The following THSD7B variants were observed in gnomAD, a reference collection of about 807,000 sequenced individuals.
The protein encoded by THSD7B is thrombospondin type-1 domain-containing protein 7B.
Under a neutral mutation model 213.6 loss-of-function variants are expected in THSD7B, and 138 were observed. The observed-to-expected ratio is 0.65, with a 90% CI of 0.56 to 0.74. THSD7B has a LOEUF of 0.74. Ranked by LOEUF, THSD7B falls within the 30% of genes least tolerant of loss-of-function variation. The pLI is 0.00. For synonymous variants in THSD7B, 742 were observed against 687.0 expected (o/e 1.08, Z -1.25); for missense variants, 1,931 against 1,991.5 (o/e 0.97, Z 0.58).
At chr2:137,421,882 A>G (rs1019647999) in intron 14 of THSD7B, among the ~76,000 whole-genome samples, 8 of 152,232 alleles carry the variant, frequency 5.3e-5, no homozygotes, top group East Asian at 1.9e-4. Context: ...ATGAACACCA[A>G]TATAAATCGT....
intron 12 of THSD7B, among the ~76,000 whole-genome samples, chr2:137,391,961 CA>C (rs1686038008): frequency 6.6e-6 from 1 of 152,116 alleles, no homozygotes; most frequent in African/African-American, 2.4e-5. Flanking sequence ...TTATTTGTTT[CA>C]AAAATGGTTT....
intron 2 of THSD7B, among the ~76,000 whole-genome samples, chr2:136,970,926 G>A (rs1685394324): frequency 6.6e-6 from 1 of 152,230 alleles, no homozygotes; most frequent in East Asian, 1.9e-4. Flanking sequence ...CTAGCCTATG[G>A]TTAATTAATC....
chr2:137,255,425 CAGG>C (rs1682284273), intron 10 of THSD7B, among the ~76,000 whole-genome samples: 1 of 152,204 alleles, frequency 6.6e-6, no homozygotes, highest in Admixed American at 6.5e-5. Context: ...TACATCTCCA[CAGG>C]AGATGTAGGT....
intron 2 of THSD7B, among the ~76,000 whole-genome samples, chr2:137,053,277 T>C (rs1181858110): frequency 6.6e-6 from 1 of 152,214 alleles, no homozygotes; most frequent in Non-Finnish European, 1.5e-5. Flanking sequence ...GAGTTAATTT[T>C]GGATTAACTC....
At chr2:136,802,713 G>T (rs1247668303) in intron 1 of THSD7B, among the ~76,000 whole-genome samples, 1 of 129,662 alleles carries the variant, frequency 7.7e-6, no homozygotes, top group Non-Finnish European at 1.6e-5. Flanking sequence ...TTGCATCCAT[G>T]AGTGGGCAAA....
intron 1 of THSD7B, among the ~76,000 whole-genome samples, chr2:136,788,005 A>C (rs1681898872): frequency 6.6e-6 from 1 of 152,204 alleles, no homozygotes; most frequent in Non-Finnish European, 1.5e-5. Context: ...AATGCAGCAC[A>C]GCTTAACCAA....
intron 3 of THSD7B, among the ~76,000 whole-genome samples, chr2:137,091,288 A>C (rs1279689975): frequency 3.9e-5 from 6 of 152,216 alleles, no homozygotes; most frequent in Non-Finnish European, 8.8e-5. Context: ...GTAAGTGGGA[A>C]GAAAGGAACC....
Position 137,170,861 on chromosome 2 carries a change from A to G in THSD7B, c.1646A>G (p.Glu549Gly). The G allele has an allele frequency of 6.2e-7, 1 of 1,613,636 alleles. No homozygotes were observed. Among genetic ancestry groups the G allele is most frequent in the Non-Finnish European group, 8.5e-7 (1 of 1,179,776 alleles). ...ATGTGCTACCGATGGCTGGCATCAG[A>G]AGGGATCTGTTTCCCTGATCATGGA... ...DPMCYRWLAS[E>G]GICFPDHGKC... is the part of the protein sequence containing the mutation. The change falls in exon 7 of 28, where the codon GAA becomes GGA. Residue 549 changes from glutamate to glycine, a missense_variant. Coordinates refer to ENST00000409968, the MANE Select transcript of THSD7B (RefSeq NM_001316349.2).
intron 7 of THSD7B, among the ~76,000 whole-genome samples, chr2:137,218,887 C>T (rs1253156744): frequency 3.3e-5 from 5 of 151,726 alleles, no homozygotes; most frequent in East Asian, 3.9e-4. Context: ...GTTTGGAGCA[C>T]AAAACTTCTG....
Position 137,563,404 on chromosome 2 carries a change from C to T in THSD7B, c.3272+50C>T, listed in dbSNP as rs745775922. On this transcript the variant is annotated intron_variant, in intron 16 of 27. Transcript: ENST00000409968. ...GAAATAGGGGGAAGTGGAACTTATA[C>T]ATTTTTTATAAAAACAACAGTGATG... The T allele has an allele frequency of 3.8e-6, 6 of 1,598,436 alleles. No individual in the cohort carries two copies. In the Admixed American group the frequency reaches 1.0e-4, roughly 27 times the overall value.
intron 14 of THSD7B, among the ~76,000 whole-genome samples, chr2:137,429,425 T>C (rs1687126592): frequency 6.6e-6 from 1 of 152,234 alleles, no homozygotes; most frequent in Non-Finnish European, 1.5e-5. Flanking sequence ...TCTGTGTATG[T>C]ATATACACGT....
At chr2:136,961,649 T>G (rs1573736118) in intron 2 of THSD7B, among the ~76,000 whole-genome samples, 1 of 152,148 alleles carries the variant, frequency 6.6e-6, no homozygotes, top group East Asian at 1.9e-4. Flanking sequence ...AAGGAGGAAC[T>G]TATTACAGAT....
At chr2:137,395,897 T>C (rs1686170440) in intron 12 of THSD7B, among the ~76,000 whole-genome samples, 2 of 150,434 alleles carry the variant, frequency 1.3e-5, no homozygotes, top group African/African-American at 4.9e-5. Flanking sequence ...CTTGGGAGAG[T>C]GTATGTGTCG....
intron 15 of THSD7B, among the ~76,000 whole-genome samples, chr2:137,496,987 T>C (rs1015215351): frequency 2.0e-5 from 3 of 152,168 alleles, no homozygotes; most frequent in African/African-American, 7.2e-5. Context: ...TCTTTGTATG[T>C]CCATTCTTTC....
Position 137,286,882 on chromosome 2 carries a change from G to A in THSD7B, c.2500+10856G>A, listed in dbSNP as rs183959020. Among the ~76,000 whole-genome samples the A allele has an allele frequency of 2.2e-4, 34 of 152,230 alleles. No homozygotes were observed. In the East Asian group the frequency reaches 6.2e-3, roughly 28 times the overall value. ...CCATAAATGTAACTGTATTCTAAGA[G>A]GGCAAAGCCATTTGGCAGTGTTTTC... is the stretch of plus-strand genomic sequence containing the variant. On this transcript the variant is annotated intron_variant, in intron 12 of 27. Transcript: ENST00000409968.
intron 17 of THSD7B, among the ~76,000 whole-genome samples, chr2:137,613,502 A>G (rs1002935516): frequency 1.3e-5 from 2 of 152,206 alleles, no homozygotes; most frequent in Non-Finnish European, 2.9e-5. Context: ...GCTGCTTTAC[A>G]AAAGTGGTAA....
intron 27 of THSD7B, among the ~76,000 whole-genome samples, chr2:137,674,946 T>C (rs1223414984): frequency 1.3e-5 from 2 of 152,220 alleles, no homozygotes; most frequent in Non-Finnish European, 1.5e-5. Flanking sequence ...ATTTTACTCC[T>C]CAAATTAAAA....
chr2:136,872,562 T>C (rs975595624), intron 1 of THSD7B, among the ~76,000 whole-genome samples: 1 of 151,120 alleles, frequency 6.6e-6, no homozygotes, highest in Non-Finnish European at 1.5e-5. Flanking sequence ...CTTTTCCTTT[T>C]CTTTTCTTCT....
chr2:136,806,682 C>T (rs372565531), intron 1 of THSD7B, among the ~76,000 whole-genome samples: 37 of 152,172 alleles, frequency 2.4e-4, no homozygotes, highest in East Asian at 7.7e-4. Context: ...TGACAGAAGA[C>T]GAATCTGCTA....
Sources: allele counts gnomAD v4.1 joint callset (sites outside exome capture counted in the v4.1 genomes callset), GRCh38; gene constraint gnomAD v4.1.1; transcripts MANE v1.5; gene names NCBI Gene and HGNC (gene_info 2026-07-23, HGNC 2026-07-21).